Variants in LARP4B observed in about 807,000 individuals in gnomAD.
LARP4B encodes the protein La ribonucleoprotein 4B.
A neutral mutation model predicts 89.8 loss-of-function variants in LARP4B; 12 were observed. The observed-to-expected ratio is 0.13, with a 90% CI of 0.09 to 0.22. The LOEUF (loss-of-function observed/expected upper bound fraction) is 0.22, where lower values mean the gene tolerates loss of function less well. Among genes scored for constraint, LARP4B ranks in the 10% least tolerant of loss-of-function variants. LARP4B has a pLI of 1.00. For synonymous variants in LARP4B, 367 were observed against 363.3 expected, an observed-to-expected ratio of 1.01 and a Z score of -0.12; for missense variants, 757 against 947.7, an observed-to-expected ratio of 0.80 and a Z score of 2.64.
intron 5 of LARP4B, among the ~76,000 whole-genome samples, chr10:861,872 C>T (rs1834631141): frequency 6.6e-6 from 1 of 152,114 alleles, no homozygotes. Flanking sequence ...TACTTCCTAC[C>T]ATTAGGATTC....
At chr10:867,633 G>C (rs1834971390) in intron 3 of LARP4B, among the ~76,000 whole-genome samples, 1 of 151,964 alleles carries the variant, frequency 6.6e-6, no homozygotes, top group South Asian at 2.1e-4. Flanking sequence ...GGCCAAGATG[G>C]GCAGATCACT....
At chr10:931,818 CT>C (rs900528826), upstream of LARP4B, 6 of 151,610 alleles carry the variant, frequency 4.0e-5, no homozygotes, top group Non-Finnish European at 5.9e-5. Context: ...CCGGGAGAGC[CT>C]CACGTCATGG....
intron 1 of LARP4B, among the ~76,000 whole-genome samples, chr10:908,488 G>A (rs549687617): frequency 3.9e-5 from 6 of 152,196 alleles, no homozygotes; most frequent in Non-Finnish European, 5.9e-5. Context: ...AACCTGTGGC[G>A]TGGGAGTGGC....
chr10:887,523 C>G (rs550719628), intron 1 of LARP4B, among the ~76,000 whole-genome samples: 57 of 151,672 alleles, frequency 3.8e-4, no homozygotes, highest in Non-Finnish European at 6.5e-4. Flanking sequence ...CCAGCCTGGC[C>G]AACATGGTGA....
chr10:924,806 C>T (rs549321785), intron 1 of LARP4B, among the ~76,000 whole-genome samples: 1 of 152,320 alleles, frequency 6.6e-6, no homozygotes, highest in African/African-American at 2.4e-5. Flanking sequence ...TGTGATTGTC[C>T]ACCTGTCTCA....
intron 8 of LARP4B, among the ~76,000 whole-genome samples, chr10:833,550 T>C (rs1015906112): frequency 3.3e-5 from 5 of 152,204 alleles, no homozygotes; most frequent in African/African-American, 4.8e-5. Context: ...AATCACATCA[T>C]TACATCATTA....
the LARP4B span, among the ~76,000 whole-genome samples, chr10:968,509 G>T: frequency 1.3e-5 from 2 of 152,126 alleles, no homozygotes. Flanking sequence ...TGAGCATCTT[G>T]ACTATCGCCG....
chr10:884,478 G>C lies in LARP4B; in HGVS notation c.110C>G (p.Ser37Cys). ...LMNGPISQTTSQTSSIPPLSQ... is the reference protein window; with the variant it reads ...LMNGPISQTTCQTSSIPPLSQ... ...CAAAGGTGGGATGGAACTTGTCTGA[G>C]AAGTGGTTTGAGATATAGGACCATT... is the stretch of plus-strand genomic sequence containing the variant. Residue 37 changes from serine (S) to cysteine (C), a missense_variant, in exon 3 of 18, where the codon TCT becomes TGT. Transcript: ENST00000316157. The C allele has an allele frequency of 6.2e-7, 1 of 1,607,148 alleles. No homozygotes were observed.
At chr10:892,730 G>A (rs1836069067) in intron 1 of LARP4B, among the ~76,000 whole-genome samples, 1 of 151,792 alleles carries the variant, frequency 6.6e-6, no homozygotes, top group Admixed American at 6.6e-5. Flanking sequence ...TAGTAGAGAC[G>A]GGGTTTCACC....
chr10:823,366 G>A (rs1418871261), intron 13 of LARP4B, among the ~76,000 whole-genome samples: 2 of 152,142 alleles, frequency 1.3e-5, no homozygotes, highest in Admixed American at 6.5e-5. Context: ...CATCTGTCAG[G>A]CAAAAGCATA....
chr10:975,710 G>C, the LARP4B span, among the ~76,000 whole-genome samples: 3 of 152,252 alleles, frequency 2.0e-5, no homozygotes, highest in African/African-American at 7.2e-5. Context: ...GTCGCGTAAT[G>C]TGCAGCCCGG....
At chr10:903,454 A>G (rs1361376762) in intron 1 of LARP4B, 1 of 152,226 alleles carries the variant, frequency 6.6e-6, no homozygotes, top group Non-Finnish European at 1.5e-5. Context: ...TCCATTTTGA[A>G]TATGTATTTT....
At position 849,222 on chromosome 10, in the gene LARP4B, C is replaced by T. The variant is rs151234710; in HGVS notation, c.431-4167G>A. Reference sequence around the variant, plus strand: ...ACATGGGACAAAAAGAAACAGAACACGTCTAGCACTCAATCTTGGTTTCTG... The same window carrying T: ...ACATGGGACAAAAAGAAACAGAACATGTCTAGCACTCAATCTTGGTTTCTG... On this transcript the variant is annotated intron_variant, in intron 5 of 17. Transcript: ENST00000316157. Among the ~76,000 whole-genome samples the T allele has an allele frequency of 4.1e-3, 632 of 152,318 alleles. 4 individuals are homozygous for T. The highest frequency in any genetic ancestry group is 0.01 in the Middle Eastern group (3 of 294).
intron 5 of LARP4B, among the ~76,000 whole-genome samples, chr10:857,313 A>C (rs541300763): frequency 1.3e-5 from 2 of 152,228 alleles, no homozygotes; most frequent in South Asian, 4.1e-4. Context: ...GGAAATCCCA[A>C]GGAGGGGGAA....
At chr10:975,125 T>G in the LARP4B span, among the ~76,000 whole-genome samples, 1 of 152,222 alleles carries the variant, frequency 6.6e-6, no homozygotes, top group Non-Finnish European at 1.5e-5. Flanking sequence ...CATAAAAATT[T>G]GATGTTTAAA....
Position 825,851 on chromosome 10 carries a change from G to A in LARP4B, c.1145C>T (p.Thr382Ile). 7 of 1,611,620 alleles carry A rather than the reference G, an allele frequency of 4.3e-6. No individual in the cohort carries two copies. The highest frequency in any genetic ancestry group is 5.9e-6 in the Non-Finnish European group (7 of 1,178,472). Residue 382 changes from threonine to isoleucine, a missense_variant, in exon 12 of 18, where the codon ACT (threonine) becomes ATT (isoleucine). By Grantham distance (89) the Thr-to-Ile change is moderately conservative. This residue lies in a region of LARP4B where 137 missense variants were observed against 213.9 expected (regional missense o/e 0.64). Transcript: ENST00000316157. ...DPPLVTPFPN[T>I]GFINGFTSPA... ...AGACGTAAACCCATTTATAAATCCAGTATTTGGAAATGGAGTTACCTAGAT... is the reference window on the plus strand; with the variant it reads ...AGACGTAAACCCATTTATAAATCCAATATTTGGAAATGGAGTTACCTAGAT...
At chr10:886,666 A>G (rs921390343) in intron 1 of LARP4B, among the ~76,000 whole-genome samples, 6 of 152,244 alleles carry the variant, frequency 3.9e-5, no homozygotes, top group South Asian at 2.1e-4. Flanking sequence ...CGTATGCTAT[A>G]ACATGGGTGA....
At chr10:861,449 T>G (rs1030932990) in intron 5 of LARP4B, among the ~76,000 whole-genome samples, 1 of 151,918 alleles carries the variant, frequency 6.6e-6, no homozygotes, top group African/African-American at 2.4e-5. Flanking sequence ...AGAGAGGGAG[T>G]AGGTGGAGGC....
chr10:930,313 C>T (rs1031105025), intron 1 of LARP4B, among the ~76,000 whole-genome samples: 1 of 152,330 alleles, frequency 6.6e-6, no homozygotes, highest in Admixed American at 6.5e-5. Context: ...CTCACGCATA[C>T]TGTTTATACT....
Sources: allele counts gnomAD v4.1 joint callset (sites outside exome capture counted in the v4.1 genomes callset), GRCh38; gene constraint gnomAD v4.1.1; regional missense constraint gnomAD v4.1.1; transcripts MANE v1.5; gene names NCBI Gene and HGNC (gene_info 2026-07-23, HGNC 2026-07-21).